ALG5: variants seen among roughly 807,000 people sequenced by gnomAD.
The protein encoded by ALG5 is dolichyl-phosphate beta-glucosyltransferase.
In ALG5, 26 loss-of-function variants were observed where a neutral mutation model predicts 51.8. That is an observed-to-expected ratio of 0.50 (90% CI 0.37 to 0.70). The LOEUF (loss-of-function observed/expected upper bound fraction) is 0.70, where lower values mean the gene tolerates loss of function less well. ALG5 is among the 30% of genes least tolerant of loss of function. The pLI, the probability that ALG5 is intolerant of heterozygous loss-of-function variation, is 0.00. For missense variants in ALG5, 311 were observed against 399.3 expected (o/e 0.78, Z 1.88); for synonymous variants, 141 against 136.1 (o/e 1.04, Z -0.25).
chr13:36,961,851 G>A (rs776050309), intron 8 of ALG5, among the ~76,000 whole-genome samples: 8 of 152,032 alleles, frequency 5.3e-5, no homozygotes, highest in East Asian at 1.9e-4. Flanking sequence ...GCGTGATCTC[G>A]GCTCACTGCA....
intron 8 of ALG5, among the ~76,000 whole-genome samples, chr13:36,953,992 T>TAG (rs2058829108): frequency 6.6e-6 from 1 of 152,116 alleles, no homozygotes; most frequent in Non-Finnish European, 1.5e-5. Context: ...AGTATATAGC[T>TAG]AGTGACTTAT....
At chr13:36,961,947 AATTTTTAAAAATGT>A (rs1418879314) in intron 8 of ALG5, among the ~76,000 whole-genome samples, 6 of 151,934 alleles carry the variant, frequency 3.9e-5, no homozygotes, top group Non-Finnish European at 8.8e-5. Context: ...ACGCTTGGCT[AATTTTTAAAAATGT>A]ATTTTTAGTA....
chr13:36,951,279 CT>C (rs1206190859), intron 9 of ALG5, among the ~76,000 whole-genome samples: 1 of 152,212 alleles, frequency 6.6e-6, no homozygotes, highest in Non-Finnish European at 1.5e-5. Context: ...CATGATACCC[CT>C]GAGTGATCCT....
intron 1 of ALG5, 79 bp downstream of exon 1, chr13:36,999,156 G>A: frequency 7.6e-7 from 1 of 1,323,000 alleles, no homozygotes; most frequent in Non-Finnish European, 1.0e-6. Flanking sequence ...GTAGCGCGGA[G>A]GAGGGGACGC....
At chr13:36,975,152 A>G (rs2058944610) in intron 6 of ALG5, among the ~76,000 whole-genome samples, 1 of 152,206 alleles carries the variant, frequency 6.6e-6, no homozygotes, top group Admixed American at 6.5e-5. Flanking sequence ...CGGAGGGTGC[A>G]GTGAGCCAAG....
chr13:36,975,071 C>T lies in ALG5; in HGVS notation c.562-3035G>A, dbSNP rs778505953. Among the ~76,000 whole-genome samples the T allele has an allele frequency of 4.6e-5, 7 of 152,228 alleles. No homozygotes were observed. In the East Asian group the frequency reaches 5.8e-4, roughly 13 times the overall value. On this transcript the variant is annotated intron_variant, in intron 6 of 9. Transcript: ENST00000239891. ...ACTAAAAATACAAAAATTAGCTGGG[C>T]GTGGTGGCATGCGCCTGTAGTCCCA... is the stretch of plus-strand genomic sequence containing the variant.
At position 36,965,631 on chromosome 13, in the gene ALG5, T is replaced by C. The variant is rs1190818600; in HGVS notation, c.717A>G (p.Lys239=). ...GTGAAGCTGCTTCTCGAGTAAATAA[T>C]TTGAACCCACACTGTGTGTCCCTGA... ...KGIRDTQCGF[K]LFTREAASRT... The change falls in exon 8 of 10, where the codon AAA becomes AAG. Residue 239 remains lysine, a synonymous_variant. Transcript: ENST00000239891. 1 of 1,614,036 alleles carries C rather than the reference T, an allele frequency of 6.2e-7. No individual in the cohort carries two copies. Among genetic ancestry groups the C allele is most frequent in the South Asian group, 1.1e-5 (1 of 91,078 alleles).
intron 6 of ALG5, among the ~76,000 whole-genome samples, chr13:36,980,911 T>G (rs2058976526): frequency 6.6e-6 from 1 of 152,020 alleles, no homozygotes; most frequent in African/African-American, 2.4e-5. Flanking sequence ...GAGGCAGAGG[T>G]TGCAGTGAGC....
At chr13:36,960,290 C>T (rs1054035439) in intron 8 of ALG5, among the ~76,000 whole-genome samples, 1 of 152,034 alleles carries the variant, frequency 6.6e-6, no homozygotes, top group Admixed American at 6.6e-5. Flanking sequence ...TAAAACTGAA[C>T]AACTGAGAAA....
intron 1 of ALG5, among the ~76,000 whole-genome samples, chr13:36,997,337 G>A (rs2059055453): frequency 6.6e-6 from 1 of 151,898 alleles, no homozygotes; most frequent in Non-Finnish European, 1.5e-5. Flanking sequence ...ACCGGGAGTG[G>A]TGGTAGGCGC....
At chr13:36,977,162 C>T (rs537748946) in intron 6 of ALG5, among the ~76,000 whole-genome samples, 251 of 152,274 alleles carry the variant, frequency 1.6e-3, no homozygotes, top group Non-Finnish European at 2.9e-3. Flanking sequence ...ATCTCACTAT[C>T]AGGTAGAATT....
intron 8 of ALG5, among the ~76,000 whole-genome samples, chr13:36,960,456 A>ACACTGATTAAAAATAAT (rs1566057976): frequency 1.3e-5 from 2 of 152,198 alleles, no homozygotes; most frequent in South Asian, 4.1e-4. Context: ...TAAAATTATA[A>ACACTGATTAAAAATAAT]CACTGATTAA....
chr13:36,996,525 C>T (rs76915680), intron 1 of ALG5, among the ~76,000 whole-genome samples: 2,930 of 152,168 alleles, frequency 0.019, 93 homozygotes, highest in African/African-American at 0.066. Context: ...TGAATGGGCT[C>T]TCAGTGGCCT....
intron 6 of ALG5, among the ~76,000 whole-genome samples, chr13:36,982,381 T>A (rs1046630242): frequency 6.6e-6 from 1 of 152,234 alleles, no homozygotes; most frequent in Non-Finnish European, 1.5e-5. Context: ...TAGGTAGTTG[T>A]AAAAACTTTC....
At chr13:36,964,099 T>C (rs2058880902) in intron 8 of ALG5, among the ~76,000 whole-genome samples, 2 of 152,160 alleles carry the variant, frequency 1.3e-5, no homozygotes, top group Non-Finnish European at 2.9e-5. Context: ...ATACAGCACA[T>C]GGCACTGCAA....
rs2058889727 is a variant in ALG5, at chr13:36,965,627, A to G, written c.721T>C (p.Phe241Leu). ...IRDTQCGFKL[F>L]TREAASRTFS... ...GTCCGTGAAGCTGCTTCTCGAGTAA[A>G]TAATTTGAACCCACACTGTGTGTCC... The change falls in exon 8 of 10, where the codon TTT (phenylalanine) becomes CTT (leucine). Residue 241 changes from phenylalanine to leucine, a missense_variant. Phe to Leu is a conservative substitution (Grantham distance 22). Transcript: ENST00000239891. 2 of 1,614,118 alleles carry G rather than the reference A, an allele frequency of 1.2e-6. No homozygotes were observed. The highest frequency in any genetic ancestry group is 1.1e-5 in the South Asian group (1 of 91,082).
chr13:36,981,038 T>G (rs2058977128), intron 6 of ALG5, among the ~76,000 whole-genome samples: 1 of 152,180 alleles, frequency 6.6e-6, no homozygotes, highest in African/African-American at 2.4e-5. Flanking sequence ...TTTATTTGTA[T>G]GTATTATACA....
At chr13:36,950,796 G>A (rs935710412) in intron 9 of ALG5, among the ~76,000 whole-genome samples, 3 of 151,934 alleles carry the variant, frequency 2.0e-5, no homozygotes, top group African/African-American at 7.3e-5. Context: ...GTGTTGCCCA[G>A]GCTGGTCTCA....
At chr13:36,957,166 G>C (rs986339342) in intron 8 of ALG5, among the ~76,000 whole-genome samples, 1 of 151,820 alleles carries the variant, frequency 6.6e-6, no homozygotes, top group Non-Finnish European at 1.5e-5. Flanking sequence ...CTATCAAGCA[G>C]ATAGTCAGGG....
Sources: gnomAD v4.1 joint callset for allele counts (sites outside exome capture counted in the v4.1 genomes callset) on GRCh38, gnomAD v4.1.1 for gene constraint, MANE v1.5 for transcripts, NCBI Gene and HGNC (gene_info 2026-07-23, HGNC 2026-07-21) for gene names.